The following AMPH variants were observed in gnomAD, a reference collection of about 807,000 sequenced individuals.
AMPH encodes the protein amphiphysin (Stiff-Mann syndrome with breast cancer 128kD autoantigen).
Under a neutral mutation model 99.1 loss-of-function variants are expected in AMPH, and 49 were observed. The observed-to-expected ratio is 0.49, with a 90% CI of 0.39 to 0.63. AMPH has a LOEUF of 0.63. Among genes scored for constraint, AMPH ranks in the 20% least tolerant of loss-of-function variants. The probability of loss-of-function intolerance (pLI) is 0.00; values close to 1 mark genes in which losing one functional copy is unlikely to be tolerated. For missense variants in AMPH, 759 were observed against 863.4 expected (o/e 0.88, Z 1.52); for synonymous variants, 314 against 317.3 (o/e 0.99, Z 0.11).
chr7:38,479,974 G>A (rs754886201), intron 5 of AMPH, among the ~76,000 whole-genome samples: 39 of 151,658 alleles, frequency 2.6e-4, no homozygotes, highest in Admixed American at 1.3e-3. Context: ...AATCTTCCCC[G>A]TAGTCCAGTT....
chr7:38,473,434 G>A lies in AMPH; in HGVS notation c.590+1897C>T, dbSNP rs1278531228. ...AAGTATTCCATGAAGGCCGGGCGCGGTGGCTCACGCCTGTAATCCCAGCAC... is the reference window on the plus strand; with the variant it reads ...AAGTATTCCATGAAGGCCGGGCGCGATGGCTCACGCCTGTAATCCCAGCAC... On this transcript the variant is annotated intron_variant, in intron 7 of 20. Transcript: ENST00000356264. Among the ~76,000 whole-genome samples, 7 of 66,256 alleles carry A rather than the reference G, an allele frequency of 1.1e-4. 2 individuals are homozygous for A. The highest frequency in any genetic ancestry group is 4.9e-4 in the African/African-American group (7 of 14,226). The allele number at this position is 66,256 out of a possible 152,430, so 43.5% of individuals were successfully genotyped here. A position where few individuals can be genotyped will look rare whatever the true frequency, so the allele number is the denominator to read the frequency against.
intron 12 of AMPH, among the ~76,000 whole-genome samples, chr7:38,434,999 C>G (rs1055487636): frequency 3.3e-5 from 5 of 152,126 alleles, no homozygotes; most frequent in Non-Finnish European, 5.9e-5. Flanking sequence ...TGTGGTCAAA[C>G]AAATTTGGGA....
intron 2 of AMPH, among the ~76,000 whole-genome samples, chr7:38,516,646 G>T (rs1789755061): frequency 6.6e-6 from 1 of 152,212 alleles, no homozygotes; most frequent in Non-Finnish European, 1.5e-5. Flanking sequence ...CTGGGGAACT[G>T]CCTAGTGGAG....
At chr7:38,481,759 G>A (rs1386676584) in intron 5 of AMPH, among the ~76,000 whole-genome samples, 1 of 151,980 alleles carries the variant, frequency 6.6e-6, no homozygotes, top group Non-Finnish European at 1.5e-5. Flanking sequence ...ACTGCACATG[G>A]CCTGTTGATT....
intron 17 of AMPH, among the ~76,000 whole-genome samples, chr7:38,399,570 T>C (rs1467137090): frequency 6.6e-6 from 1 of 152,250 alleles, no homozygotes; most frequent in Non-Finnish European, 1.5e-5. Flanking sequence ...GTTGTTGTCA[T>C]GCATTTCAAT....
chr7:38,406,771 T>G (rs1359579688), intron 17 of AMPH, among the ~76,000 whole-genome samples: 1 of 131,502 alleles, frequency 7.6e-6, no homozygotes, highest in Non-Finnish European at 1.6e-5. Context: ...TCTCTCTCTC[T>G]CTCTCGTGCT....
intron 6 of AMPH, 99 bp downstream of exon 6, chr7:38,476,763 C>G: frequency 3.9e-6 from 3 of 768,422 alleles, no homozygotes; most frequent in Non-Finnish European, 6.5e-6. Flanking sequence ...GTTCAGATTC[C>G]AATCTCCTTT....
At chr7:38,625,875 G>T (rs1412433738) in intron 1 of AMPH, among the ~76,000 whole-genome samples, 1 of 152,166 alleles carries the variant, frequency 6.6e-6, no homozygotes. Flanking sequence ...AGAAACTCAT[G>T]AAGCTGAACA....
intron 1 of AMPH, among the ~76,000 whole-genome samples, chr7:38,614,276 T>C (rs1793793068): frequency 6.6e-6 from 1 of 152,200 alleles, no homozygotes; most frequent in South Asian, 2.1e-4. Context: ...ACCTGCAATC[T>C]CTGACATATA....
At chr7:38,430,659 G>A (rs747108643) in intron 13 of AMPH, among the ~76,000 whole-genome samples, 1 of 152,184 alleles carries the variant, frequency 6.6e-6, no homozygotes, top group Non-Finnish European at 1.5e-5. Context: ...AATCTCCAAG[G>A]AAATTAACAC....
At chr7:38,494,767 A>C (rs1370525029) in intron 3 of AMPH, among the ~76,000 whole-genome samples, 1 of 152,218 alleles carries the variant, frequency 6.6e-6, no homozygotes, top group Non-Finnish European at 1.5e-5. Context: ...GGTCTCGGGA[A>C]AGATCAACAA....
chr7:38,459,500 C>T (rs113417227), intron 11 of AMPH, among the ~76,000 whole-genome samples: 79 of 152,096 alleles, frequency 5.2e-4, no homozygotes, highest in African/African-American at 1.4e-3. Flanking sequence ...AAAATAGACA[C>T]GTAGACCAAT....
At chr7:38,522,061 G>A (rs1162724822) in intron 2 of AMPH, among the ~76,000 whole-genome samples, 15 of 152,124 alleles carry the variant, frequency 9.9e-5, no homozygotes, top group Admixed American at 9.8e-4. Flanking sequence ...TGGGATCTGT[G>A]GGGTCACTGC....
Position 38,391,885 on chromosome 7 carries a change from T to C in AMPH, c.1741A>G (p.Thr581Ala). The change falls in exon 19 of 21, where the codon ACA (threonine) becomes GCA (alanine). Residue 581 changes from threonine to alanine, a missense_variant. Coordinates refer to ENST00000356264, the MANE Select transcript of AMPH (RefSeq NM_001635.4). ...TTCTGCTCCGTAGCCAGCTCCGGTG[T>C]CTCGCTGGTGGGGCCCGGAGGAGCC... Reference protein sequence around the residue: ...DAAPPGPTSETPELATEQKPI... With the variant: ...DAAPPGPTSEAPELATEQKPI... 6.2e-7 allele frequency: 1 copy of C among 1,612,676 alleles called. No homozygotes were observed. The highest frequency in any genetic ancestry group is 1.3e-5 in the African/African-American group (1 of 74,948).
chr7:38,461,388 T>G lies in AMPH; in HGVS notation c.912A>C (p.Pro304=), dbSNP rs150899236. The part of the protein sequence containing the change: ...PSQTRKGPPV[P]PLPKVTPTKE... ...TTGTCGGGGTGACTTTAGGTAGAGG[T>G]GGGACAGGAGGCCCTTTCCTTGTCT... The change falls in exon 11 of 21, where the codon CCA becomes CCC. Residue 304 remains proline (P), a synonymous_variant. Coordinates refer to ENST00000356264, the MANE Select transcript of AMPH (RefSeq NM_001635.4). 2.5e-6 allele frequency: 4 copies of G among 1,614,032 alleles called. No homozygotes were observed. The African/African-American group carries it at 5.3e-5, about 22-fold the overall frequency.
At chr7:38,491,551 G>A (rs1788718512) in intron 4 of AMPH, among the ~76,000 whole-genome samples, 1 of 152,126 alleles carries the variant, frequency 6.6e-6, no homozygotes, top group Non-Finnish European at 1.5e-5. Context: ...CATTTCTGAA[G>A]CCTCCCCAGG....
chr7:38,465,431 A>G (rs1388659153), intron 9 of AMPH, 36 bp downstream of exon 9: 1 of 1,532,070 alleles, frequency 6.5e-7, no homozygotes, highest in Non-Finnish European at 8.9e-7. Context: ...TTTAGCAAGC[A>G]GGACATTACA....
At chr7:38,571,344 T>TATATATATTTATATATATA (rs1554364727) in intron 1 of AMPH, among the ~76,000 whole-genome samples, 1 of 41,642 alleles carries the variant, frequency 2.4e-5, no homozygotes, top group African/African-American at 9.4e-5. Flanking sequence ...ATATATAGAA[T>TATATATATTTATATATATA]ATATATATTT....
intron 13 of AMPH, among the ~76,000 whole-genome samples, chr7:38,431,704 A>C (rs1415034637): frequency 6.6e-6 from 1 of 151,696 alleles, no homozygotes; most frequent in Non-Finnish European, 1.5e-5. Context: ...CAAGGTTATG[A>C]GTAGTAGAGT....
Sources: gnomAD v4.1 joint callset for allele counts (sites outside exome capture counted in the v4.1 genomes callset) on GRCh38, gnomAD v4.1.1 for gene constraint, MANE v1.5 for transcripts, NCBI Gene and HGNC (gene_info 2026-07-23, HGNC 2026-07-21) for gene names.